The following CTNND2 variants were observed in gnomAD, a reference collection of about 807,000 sequenced individuals.
CTNND2 encodes catenin delta-2.
In CTNND2, 22 loss-of-function variants were observed where a neutral mutation model predicts 144.4. The ratio of observed to expected loss-of-function variants is 0.15; its 90% CI spans 0.11 to 0.22. The LOEUF is 0.22. Among genes scored for constraint, CTNND2 ranks in the 10% least tolerant of loss-of-function variants. CTNND2 has a pLI of 1.00. For synonymous variants in CTNND2, 751 were observed against 695.6 expected, an observed-to-expected ratio of 1.08 and a Z score of -1.25; for missense variants, 1,353 against 1,618.8, an observed-to-expected ratio of 0.84 and a Z score of 2.82.
intron 2 of CTNND2, among the ~76,000 whole-genome samples, chr5:11,717,084 T>C (rs1359811472): frequency 6.7e-6 from 1 of 149,666 alleles, no homozygotes; most frequent in Non-Finnish European, 1.5e-5. Flanking sequence ...GCCAGGCTGG[T>C]CTCAAACTCC....
At chr5:11,327,212 G>C (rs1209193783) in intron 9 of CTNND2, among the ~76,000 whole-genome samples, 1 of 152,110 alleles carries the variant, frequency 6.6e-6, no homozygotes, top group East Asian at 1.9e-4. Flanking sequence ...GACAAAGAAG[G>C]GTGAGTCAAG....
chr5:11,153,233 G>A (rs1349395300), intron 12 of CTNND2, among the ~76,000 whole-genome samples: 1 of 152,102 alleles, frequency 6.6e-6, no homozygotes, highest in Non-Finnish European at 1.5e-5. Context: ...CTGCACTCTA[G>A]CCTGGGCAAC....
At chr5:11,070,407 T>G (rs1381722371) in intron 16 of CTNND2, among the ~76,000 whole-genome samples, 1 of 152,064 alleles carries the variant, frequency 6.6e-6, no homozygotes, top group Non-Finnish European at 1.5e-5. Flanking sequence ...TACTAGAAAT[T>G]ATCAAAACTA....
At chr5:11,389,728 C>G (rs1430934459) in intron 6 of CTNND2, among the ~76,000 whole-genome samples, 1 of 152,210 alleles carries the variant, frequency 6.6e-6, no homozygotes, top group Non-Finnish European at 1.5e-5. Context: ...GAGCCTACTA[C>G]AGTCTGGGAA....
chr5:11,405,291 C>T (rs1327587464), intron 5 of CTNND2, among the ~76,000 whole-genome samples: 2 of 152,212 alleles, frequency 1.3e-5, no homozygotes, highest in African/African-American at 2.4e-5. Flanking sequence ...GGTTAAAGAG[C>T]TCTTCTTACT....
At chr5:11,638,717 G>A (rs1163973359) in intron 2 of CTNND2, among the ~76,000 whole-genome samples, 1 of 152,050 alleles carries the variant, frequency 6.6e-6, no homozygotes, top group Non-Finnish European at 1.5e-5. Context: ...GGAACTACAG[G>A]TGCCTGCCAC....
chr5:11,244,124 A>G (rs572133216), intron 9 of CTNND2, among the ~76,000 whole-genome samples: 1 of 152,248 alleles, frequency 6.6e-6, no homozygotes, highest in South Asian at 2.1e-4. Context: ...GGTGATGGTC[A>G]TAAGTTAGAT....
intron 9 of CTNND2, among the ~76,000 whole-genome samples, chr5:11,247,701 T>C (rs1421381528): frequency 1.3e-5 from 2 of 152,224 alleles, no homozygotes; most frequent in Non-Finnish European, 2.9e-5. Flanking sequence ...TTTATGCTAA[T>C]AGTTATCAAA....
intron 1 of CTNND2, among the ~76,000 whole-genome samples, chr5:11,755,572 G>A (rs971730295): frequency 6.6e-6 from 1 of 151,232 alleles, no homozygotes; most frequent in Non-Finnish European, 1.5e-5. Context: ...CTCTTTCAGG[G>A]ACACCGATGA....
At chr5:11,235,697 G>A (rs572306638) in intron 10 of CTNND2, among the ~76,000 whole-genome samples, 2 of 152,236 alleles carry the variant, frequency 1.3e-5, no homozygotes, top group East Asian at 3.9e-4. Context: ...ACCTGGTTGA[G>A]AACCATTGCT....
chr5:11,147,170 G>A (rs1229654032), intron 12 of CTNND2, among the ~76,000 whole-genome samples: 2 of 152,208 alleles, frequency 1.3e-5, no homozygotes, highest in East Asian at 3.9e-4. Flanking sequence ...ATGTACGTGA[G>A]AATGTCACTT....
intron 11 of CTNND2, among the ~76,000 whole-genome samples, chr5:11,171,504 T>C (rs1759910137): frequency 6.6e-6 from 1 of 152,226 alleles, no homozygotes; most frequent in African/African-American, 2.4e-5. Flanking sequence ...TATTACTGCA[T>C]ATTTTCCTCC....
At chr5:11,116,310 G>A (rs1753540129) in intron 13 of CTNND2, among the ~76,000 whole-genome samples, 1 of 152,186 alleles carries the variant, frequency 6.6e-6, no homozygotes, top group African/African-American at 2.4e-5. Context: ...GTGGGGATGG[G>A]GGCTGCTACT....
chr5:11,314,782 A>G (rs1233798899), intron 9 of CTNND2, among the ~76,000 whole-genome samples: 1 of 152,204 alleles, frequency 6.6e-6, no homozygotes, highest in Non-Finnish European at 1.5e-5. Context: ...CCTGGCTCCC[A>G]CTACCCCTGA....
chr5:11,633,864 C>G (rs1457793090), intron 2 of CTNND2, among the ~76,000 whole-genome samples: 1 of 151,930 alleles, frequency 6.6e-6, no homozygotes, highest in Non-Finnish European at 1.5e-5. Flanking sequence ...GGACATCTTT[C>G]TTCTTCCAAT....
chr5:10,990,700 C>T (rs543923262), intron 19 of CTNND2, among the ~76,000 whole-genome samples: 18 of 152,296 alleles, frequency 1.2e-4, no homozygotes, highest in African/African-American at 3.6e-4. Context: ...TCACACACAG[C>T]GGTGCTCCAA....
intron 7 of CTNND2, among the ~76,000 whole-genome samples, chr5:11,366,578 T>A (rs1176559342): frequency 6.6e-6 from 1 of 152,188 alleles, no homozygotes; most frequent in Non-Finnish European, 1.5e-5. Flanking sequence ...AAGCTTAAAT[T>A]TTCCAGGAAT....
At chr5:11,180,462 T>C (rs1393061309) in intron 11 of CTNND2, among the ~76,000 whole-genome samples, 1 of 152,192 alleles carries the variant, frequency 6.6e-6, no homozygotes, top group East Asian at 1.9e-4. Flanking sequence ...ATTTAAAGCA[T>C]TTAAAGAAAG....
At chr5:11,003,551 A>G (rs1175601889) in intron 18 of CTNND2, among the ~76,000 whole-genome samples, 1 of 152,222 alleles carries the variant, frequency 6.6e-6, no homozygotes, top group African/African-American at 2.4e-5. Flanking sequence ...AAGAAAAGGT[A>G]TTAAATACAA....
Sources: gnomAD v4.1 joint callset for allele counts (sites outside exome capture counted in the v4.1 genomes callset) on GRCh38, gnomAD v4.1.1 for gene constraint, MANE v1.5 for transcripts, NCBI Gene and HGNC (gene_info 2026-07-23, HGNC 2026-07-21) for gene names.